Variants in CTNNA2 observed in about 807,000 individuals in gnomAD.
The protein encoded by CTNNA2 is catenin alpha 2.
In CTNNA2, 42 loss-of-function variants were observed where a neutral mutation model predicts 101.0. The observed-to-expected ratio is 0.42, with a 90% CI of 0.32 to 0.54. The LOEUF is 0.54. CTNNA2 is among the 20% of genes least tolerant of loss of function. The pLI, the probability that CTNNA2 is intolerant of heterozygous loss-of-function variation, is 0.14. For missense variants in CTNNA2, 871 were observed against 1,223.1 expected, an observed-to-expected ratio of 0.71 and a Z score of 4.29; for synonymous variants, 450 against 456.4, an observed-to-expected ratio of 0.99 and a Z score of 0.18.
chr2:79,739,495 T>C (rs1671130330), intron 2 of CTNNA2, among the ~76,000 whole-genome samples: 1 of 152,236 alleles, frequency 6.6e-6, no homozygotes, highest in South Asian at 2.1e-4. Flanking sequence ...TCAAGCTCTT[T>C]CATTCACTGA....
chr2:80,484,856 A>T (rs939481794), intron 9 of CTNNA2, among the ~76,000 whole-genome samples: 2 of 152,048 alleles, frequency 1.3e-5, no homozygotes, highest in Admixed American at 6.6e-5. Context: ...AATACAAAAA[A>T]TTAGCCGGGC....
intron 1 of CTNNA2, among the ~76,000 whole-genome samples, chr2:79,522,557 C>CA (rs1672176044): frequency 6.6e-6 from 1 of 152,128 alleles, no homozygotes; most frequent in Non-Finnish European, 1.5e-5. Context: ...TTTGCTTCAG[C>CA]AATGGATGGG....
chr2:79,498,828 C>G (rs1256996336), intron 4 of CTNNA2: 1 of 152,196 alleles, frequency 6.6e-6, no homozygotes, highest in Non-Finnish European at 1.5e-5. Flanking sequence ...GGGGATAAGA[C>G]TTGGCATTCC....
rs1676504863 is a variant in CTNNA2 at position 80,302,982 on chromosome 2, G to C, written c.1057-90229G>C. 1 of 1,613,704 alleles carries C rather than the reference G, an allele frequency of 6.2e-7. No individual in the cohort carries two copies. The highest frequency in any genetic ancestry group is 8.5e-7 in the Non-Finnish European group (1 of 1,179,966). On this transcript the variant is annotated intron_variant, in intron 7 of 18. Transcript: ENST00000402739. The surrounding 1 kb of genome is among the most constrained non-coding windows in gnomAD (Gnocchi z 6.4). ...TCCAGCTGCAGGGACTGCAGGTGCG[G>C]CACGGTCTCGAACACATGGGGCTCC...
intron 3 of CTNNA2, among the ~76,000 whole-genome samples, chr2:79,330,817 G>C (rs1261093751): frequency 6.6e-6 from 1 of 152,140 alleles, no homozygotes; most frequent in African/African-American, 2.4e-5. Flanking sequence ...GGCCTCCCCA[G>C]CCATGTGGAA....
chr2:79,680,284 C>T (rs1254781102), intron 2 of CTNNA2, among the ~76,000 whole-genome samples: 2 of 152,056 alleles, frequency 1.3e-5, no homozygotes, highest in Admixed American at 6.5e-5. Flanking sequence ...TTCTTTCAAA[C>T]TGAAAAGGTA....
chr2:79,213,134 G>C (rs1252226083), intron 2 of CTNNA2, among the ~76,000 whole-genome samples: 1 of 152,186 alleles, frequency 6.6e-6, no homozygotes, highest in Non-Finnish European at 1.5e-5. Flanking sequence ...GTAGGTGGGA[G>C]TGGCCAGATG....
chr2:80,394,420 T>G (rs1425022460), intron 8 of CTNNA2, among the ~76,000 whole-genome samples: 1 of 152,202 alleles, frequency 6.6e-6, no homozygotes, highest in Non-Finnish European at 1.5e-5. Flanking sequence ...ATATGAATAT[T>G]CTAGCTCCCC....
intron 7 of CTNNA2, among the ~76,000 whole-genome samples, chr2:80,300,920 G>A (rs1676232278): frequency 6.6e-6 from 1 of 151,494 alleles, no homozygotes; most frequent in African/African-American, 2.4e-5. Flanking sequence ...TATGAGGGGT[G>A]AGAAGGAGCA....
At chr2:80,338,643 C>T (rs1573765614) in intron 7 of CTNNA2, among the ~76,000 whole-genome samples, 1 of 152,218 alleles carries the variant, frequency 6.6e-6, no homozygotes, top group African/African-American at 2.4e-5. Flanking sequence ...AGAGCTGCCT[C>T]CACCACTGAC....
intron 8 of CTNNA2, among the ~76,000 whole-genome samples, chr2:80,403,094 A>G (rs760881452): frequency 6.6e-6 from 1 of 152,226 alleles, no homozygotes; most frequent in East Asian, 1.9e-4. Flanking sequence ...CAAAACATCA[A>G]TGTTGTAAAT....
chr2:79,795,909 A>C (rs1302193940), intron 3 of CTNNA2, among the ~76,000 whole-genome samples: 1 of 152,232 alleles, frequency 6.6e-6, no homozygotes, highest in African/African-American at 2.4e-5. Flanking sequence ...TTAACAACAC[A>C]AAAGAGTTCC....
At chr2:79,293,869 C>A (rs1675897015) in intron 2 of CTNNA2, among the ~76,000 whole-genome samples, 1 of 152,084 alleles carries the variant, frequency 6.6e-6, no homozygotes, top group Non-Finnish European at 1.5e-5. Context: ...TCTTTATTAG[C>A]AATGTGACCT....
At chr2:79,254,480 G>A (rs901401169) in intron 2 of CTNNA2, among the ~76,000 whole-genome samples, 1 of 152,140 alleles carries the variant, frequency 6.6e-6, no homozygotes, top group African/African-American at 2.4e-5. Context: ...TCTTCCACCT[G>A]TTCCAGCCAT....
At chr2:79,370,828 T>C (rs1024342244) in intron 3 of CTNNA2, among the ~76,000 whole-genome samples, 1 of 152,190 alleles carries the variant, frequency 6.6e-6, no homozygotes, top group African/African-American at 2.4e-5. Flanking sequence ...AGTCCAGATG[T>C]AGTCCTCGCC....
chr2:79,395,519 G>T (rs536928836), intron 4 of CTNNA2, among the ~76,000 whole-genome samples: 1 of 152,128 alleles, frequency 6.6e-6, no homozygotes, highest in East Asian at 1.9e-4. Flanking sequence ...ATGTGCAGAA[G>T]AGAAAATTTT....
intron 7 of CTNNA2, among the ~76,000 whole-genome samples, chr2:79,927,083 G>A (rs1018609575): frequency 6.6e-6 from 1 of 152,066 alleles, no homozygotes; most frequent in Non-Finnish European, 1.5e-5. Context: ...GAATGTGTAT[G>A]GTACATTCTG....
At chr2:80,131,964 C>T (rs1048062852) in intron 7 of CTNNA2, among the ~76,000 whole-genome samples, 23 of 152,170 alleles carry the variant, frequency 1.5e-4, no homozygotes, top group Admixed American at 5.9e-4. Context: ...GCCTGTAATC[C>T]TAGCTACTCG....
chr2:79,782,326 T>C (rs1485558062), intron 3 of CTNNA2, among the ~76,000 whole-genome samples: 1 of 152,180 alleles, frequency 6.6e-6, no homozygotes, highest in Non-Finnish European at 1.5e-5. Flanking sequence ...AACCTCCACC[T>C]CCTGGGTTCA....
Sources: gnomAD v4.1 joint callset for allele counts (sites outside exome capture counted in the v4.1 genomes callset) on GRCh38, gnomAD v4.1.1 for gene constraint, Gnocchi (gnomAD v3.1) non-coding constraint, MANE v1.5 for transcripts, NCBI Gene and HGNC (gene_info 2026-07-23, HGNC 2026-07-21) for gene names.